The following WWOX variants were observed in gnomAD, a reference collection of about 807,000 sequenced individuals.
WWOX encodes the protein WW domain containing oxidoreductase.
Under a neutral mutation model 46.2 loss-of-function variants are expected in WWOX, and 69 were observed. That is an observed-to-expected ratio of 1.49 (90% CI 1.23 to 1.82). The LOEUF (loss-of-function observed/expected upper bound fraction) is 1.82. Ranked by LOEUF, WWOX falls within the 40% of genes most tolerant of loss-of-function variation. The pLI, the probability that WWOX is intolerant of heterozygous loss-of-function variation, is 0.00. For synonymous variants in WWOX, 359 were observed against 202.6 expected, an observed-to-expected ratio of 1.77 and a Z score of -6.56; for missense variants, 919 against 542.6, an observed-to-expected ratio of 1.69 and a Z score of -6.89.
intron 8 of WWOX, among the ~76,000 whole-genome samples, chr16:78,665,490 C>T (rs1286785894): frequency 6.6e-6 from 1 of 152,082 alleles, no homozygotes; most frequent in South Asian, 2.1e-4. Context: ...CGAGTGGAAT[C>T]TGGGGGCAAG....
intron 6 of WWOX, among the ~76,000 whole-genome samples, chr16:78,412,750 G>C (rs1222385494): frequency 1.2e-4 from 19 of 152,142 alleles, no homozygotes; most frequent in African/African-American, 4.6e-4. Flanking sequence ...GTTTTGAGAG[G>C]TTCTGGATGG....
intron 5 of WWOX, among the ~76,000 whole-genome samples, chr16:78,255,833 C>T (rs373841134): frequency 3.4e-4 from 51 of 152,220 alleles, no homozygotes; most frequent in African/African-American, 1.2e-3. Flanking sequence ...TGATGAAGAA[C>T]TTAAAGTTCA....
intron 4 of WWOX, among the ~76,000 whole-genome samples, chr16:78,145,021 T>C (rs2151712693): frequency 6.6e-6 from 1 of 152,252 alleles, no homozygotes; most frequent in East Asian, 1.9e-4. Flanking sequence ...ATTAGTTTGC[T>C]AGAGCTGCTG....
chr16:78,374,972 C>A (rs12598675), intron 5 of WWOX, among the ~76,000 whole-genome samples: 8,101 of 152,274 alleles, frequency 0.053, 281 homozygotes, highest in East Asian at 0.12. Context: ...AGGCGTGAGC[C>A]ACTGCGCCTG....
At chr16:78,897,259 AAAAAAAACC>A (rs2044724349) in intron 8 of WWOX, 1 of 149,722 alleles carries the variant, frequency 6.7e-6, no homozygotes, top group Non-Finnish European at 1.5e-5. Context: ...AAAAAAAAAA[AAAAAAAACC>A]AAAAAAACAA....
At chr16:78,266,510 C>A (rs1162331681) in intron 5 of WWOX, among the ~76,000 whole-genome samples, 2 of 152,180 alleles carry the variant, frequency 1.3e-5, no homozygotes, top group African/African-American at 4.8e-5. Flanking sequence ...TCTTATTTGT[C>A]CCTTCCCTCT....
chr16:78,293,239 C>G (rs1256562413), intron 5 of WWOX, among the ~76,000 whole-genome samples: 3 of 152,178 alleles, frequency 2.0e-5, no homozygotes, highest in African/African-American at 7.2e-5. Context: ...ATACATTTAC[C>G]TCTTGGTGTT....
chr16:78,977,702 CAGCAGG>C (rs2046600569), intron 8 of WWOX, among the ~76,000 whole-genome samples: 1 of 152,130 alleles, frequency 6.6e-6, no homozygotes, highest in African/African-American at 2.4e-5. Context: ...CTCGGATCAT[CAGCAGG>C]GGCAGGGGGT....
At chr16:78,406,098 T>C (rs2082525001) in intron 6 of WWOX, among the ~76,000 whole-genome samples, 1 of 151,854 alleles carries the variant, frequency 6.6e-6, no homozygotes, top group Non-Finnish European at 1.5e-5. Context: ...TTTTAAAAGA[T>C]GCCCTTCGTA....
rs1245214941 is a variant in WWOX, at chr16:78,635,871, G to GA, written c.1056+203124dup. Among the ~76,000 whole-genome samples the GA allele has an allele frequency of 2.0e-5, 3 of 152,218 alleles. No homozygotes were observed. In the East Asian group the frequency reaches 5.8e-4, roughly 29 times the overall value. ...GATATCATTGGTGGCCATTGGAGGG[G>GA]AAAAAGATGCTTTGGAAACCAGGAC... On this transcript the variant is annotated intron_variant, in intron 8 of 8. Coordinates refer to ENST00000566780, the MANE Select transcript of WWOX (RefSeq NM_016373.4).
At chr16:78,538,830 T>C (rs751805361) in intron 8 of WWOX, among the ~76,000 whole-genome samples, 1 of 152,210 alleles carries the variant, frequency 6.6e-6, no homozygotes, top group African/African-American at 2.4e-5. Context: ...TCACCTGATA[T>C]TGGAGGATTG....
chr16:78,943,135 C>T (rs914929815), intron 8 of WWOX, among the ~76,000 whole-genome samples: 1 of 152,180 alleles, frequency 6.6e-6, no homozygotes, highest in Non-Finnish European at 1.5e-5. Flanking sequence ...GGTGGCAACA[C>T]ATGGTGGGTT....
intron 8 of WWOX, among the ~76,000 whole-genome samples, chr16:78,485,142 T>A (rs376587499): frequency 1.4e-4 from 21 of 149,304 alleles, no homozygotes; most frequent in Non-Finnish European, 2.7e-4. Flanking sequence ...ACATGTACTT[T>A]AAAAAAAAAA....
intron 8 of WWOX, among the ~76,000 whole-genome samples, chr16:78,925,831 C>G (rs780510028): frequency 3.3e-5 from 5 of 152,100 alleles, no homozygotes; most frequent in Non-Finnish European, 4.4e-5. Flanking sequence ...TCGCTGAAGC[C>G]CTAGTTCTAG....
chr16:79,171,393 C>G (rs1325912511), intron 8 of WWOX, among the ~76,000 whole-genome samples: 3 of 152,168 alleles, frequency 2.0e-5, no homozygotes, highest in African/African-American at 7.2e-5. Context: ...ATCATATACA[C>G]CCTTTCCATT....
chr16:78,631,540 C>CTTTTTTTTTT (rs35592764), intron 8 of WWOX, among the ~76,000 whole-genome samples: 1 of 138,946 alleles, frequency 7.2e-6, no homozygotes, highest in Admixed American at 7.5e-5. Context: ...TTAAAATATT[C>CTTTTTTTTTT]TTTTTTTTTT....
At chr16:78,638,527 C>T (rs2046630051) in intron 8 of WWOX, among the ~76,000 whole-genome samples, 1 of 152,136 alleles carries the variant, frequency 6.6e-6, no homozygotes. Context: ...TTTGTCTGGC[C>T]TGTACCTGCC....
intron 8 of WWOX, among the ~76,000 whole-genome samples, chr16:79,192,344 C>T (rs2051153717): frequency 6.6e-6 from 1 of 152,130 alleles, no homozygotes; most frequent in South Asian, 2.1e-4. Flanking sequence ...TTCATCCACC[C>T]ATCCATTCAT....
chr16:78,725,344 C>CTTTTTTTTTTTTTTTTTTTTTTTT (rs1220702069), intron 8 of WWOX, among the ~76,000 whole-genome samples: 6 of 61,868 alleles, frequency 9.7e-5, no homozygotes, highest in African/African-American at 1.5e-4. Context: ...CTTTTCTTTT[C>CTTTTTTTTTTTTTTTTTTTTTTTT]TTTTTTTTTT....
Sources: allele counts gnomAD v4.1 joint callset (sites outside exome capture counted in the v4.1 genomes callset), GRCh38; gene constraint gnomAD v4.1.1; transcripts MANE v1.5; gene names NCBI Gene and HGNC (gene_info 2026-07-23, HGNC 2026-07-21).